ABL2: variants seen among roughly 807,000 people sequenced by gnomAD.
ABL2 encodes tyrosine-protein kinase ABL2.
In ABL2, 49 loss-of-function variants were observed where a neutral mutation model predicts 107.7. The observed-to-expected ratio is 0.45, with a 90% CI of 0.36 to 0.58. ABL2 has a LOEUF of 0.58. Ranked by LOEUF, ABL2 falls within the 20% of genes least tolerant of loss-of-function variation. ABL2 has a pLI of 0.00. For synonymous variants in ABL2, 549 were observed against 548.6 expected (o/e 1.00, Z -0.01); for missense variants, 1,245 against 1,457.0 (o/e 0.85, Z 2.37).
At chr1:179,128,715 CCCTCTGTCGCCACGCGGCAGTGCAG>C (rs1194722324) in intron 3 of ABL2, among the ~76,000 whole-genome samples, 1 of 152,196 alleles carries the variant, frequency 6.6e-6, no homozygotes, top group Non-Finnish European at 1.5e-5. Context: ...AAACAGGTCT[CCCTCTGTCGCCACGCGGCAGTGCAG>C]CGGTGCAAAC....
chr1:179,156,936 T>G (rs938950243), intron 1 of ABL2, among the ~76,000 whole-genome samples: 1 of 150,990 alleles, frequency 6.6e-6, no homozygotes, highest in Admixed American at 6.6e-5. Flanking sequence ...TAAATAAAAC[T>G]CTATTAAATT....
chr1:179,110,636 A>T, intron 10 of ABL2, 181 bp from the exon 11 acceptor site: 1 of 1,529,398 alleles, frequency 6.5e-7, no homozygotes, highest in Non-Finnish European at 8.8e-7. Flanking sequence ...ATGTGTGTAG[A>T]TTCGTCCACG....
chr1:179,166,974 T>A (rs954842358), intron 1 of ABL2, among the ~76,000 whole-genome samples: 7 of 152,056 alleles, frequency 4.6e-5, no homozygotes. Flanking sequence ...TTAGTACAGC[T>A]ACTATGAAAA....
chr1:179,229,245 C>G lies in ABL2; in HGVS notation c.153G>C (p.Gln51His). Residue 51 changes from glutamine to histidine, a missense_variant, in exon 1 of 12, where the codon CAG becomes CAC. Gln to His is a conservative substitution (Grantham distance 24). Transcript: ENST00000502732. ...TTETGFNIFT[Q>H]HDHFASCVED... Reference sequence around the variant, plus strand: ...CCGGCTCCCAGACACACTCACCATGCTGGGTGAAGATATTGAAGCCGGTCT... The same window carrying G: ...CCGGCTCCCAGACACACTCACCATGGTGGGTGAAGATATTGAAGCCGGTCT... 6.6e-7 allele frequency: 1 copy of G among 1,522,966 alleles called. No individual in the cohort carries two copies. The highest frequency in any genetic ancestry group is 1.4e-5 in the African/African-American group (1 of 70,062). The allele number at this position is 1,522,966 out of a possible 1,614,324, so 94.3% of individuals were successfully genotyped here.
intron 10 of ABL2, among the ~76,000 whole-genome samples, chr1:179,111,417 C>T (rs528175745): frequency 6.6e-6 from 1 of 151,376 alleles, no homozygotes; most frequent in South Asian, 2.1e-4. Flanking sequence ...TCCCAAGTAG[C>T]TGGGATTACA....
intron 1 of ABL2, among the ~76,000 whole-genome samples, chr1:179,159,488 T>G (rs922525474): frequency 6.6e-6 from 1 of 152,210 alleles, no homozygotes; most frequent in Non-Finnish European, 1.5e-5. Flanking sequence ...ATTTGTTGAT[T>G]TTCTGACCAT....
intron 1 of ABL2, among the ~76,000 whole-genome samples, chr1:179,214,681 CA>C (rs371706467): frequency 6.6e-6 from 1 of 151,306 alleles, no homozygotes; most frequent in African/African-American, 2.4e-5. Context: ...ATTCAAATTA[CA>C]AACATAAAGA....
At chr1:179,229,113 G>A in intron 1 of ABL2, 128 bp downstream of exon 1, 2 of 1,213,352 alleles carry the variant, frequency 1.6e-6, no homozygotes, top group Non-Finnish European at 2.3e-6. Context: ...GATGGCAGCG[G>A]ATTCCGCCCC....
chr1:179,110,723 T>C lies in ABL2; in HGVS notation c.1652-268A>G, dbSNP rs368945941. On this transcript the variant is annotated intron_variant, in intron 10 of 11. Transcript: ENST00000502732. ...ATATACCACAATCCACCTGTTCTCCTCTTGATGGATGTTTAGGTTGTTTCC... is the reference window on the plus strand; with the variant it reads ...ATATACCACAATCCACCTGTTCTCCCCTTGATGGATGTTTAGGTTGTTTCC... 36 of 1,610,500 alleles carry C rather than the reference T, an allele frequency of 2.2e-5. No homozygotes were observed. In the African/African-American group the frequency reaches 3.6e-4, roughly 16 times the overall value.
At chr1:179,161,582 G>A (rs938496530) in intron 1 of ABL2, among the ~76,000 whole-genome samples, 4 of 152,082 alleles carry the variant, frequency 2.6e-5, no homozygotes, top group Admixed American at 6.5e-5. Flanking sequence ...GTGGTGGCGC[G>A]TGCCTGTAGT....
chr1:179,154,741 A>C (rs1432640278), intron 1 of ABL2, among the ~76,000 whole-genome samples: 2 of 152,134 alleles, frequency 1.3e-5, no homozygotes, highest in Non-Finnish European at 2.9e-5. Context: ...TCTTAATATC[A>C]TCTCCCTAAT....
chr1:179,170,378 A>T (rs151063358), intron 1 of ABL2, among the ~76,000 whole-genome samples: 1 of 152,292 alleles, frequency 6.6e-6, no homozygotes, highest in Non-Finnish European at 1.5e-5. Context: ...ACCTGGTAAC[A>T]AAGGAAGATT....
At chr1:179,189,128 T>C (rs1660854706) in intron 1 of ABL2, among the ~76,000 whole-genome samples, 1 of 152,094 alleles carries the variant, frequency 6.6e-6, no homozygotes, top group African/African-American at 2.4e-5. Context: ...CGGGTGTTTT[T>C]TGTTGTTGTT....
intron 1 of ABL2, among the ~76,000 whole-genome samples, chr1:179,133,944 A>T (rs1324820078): frequency 3.3e-5 from 5 of 152,180 alleles, no homozygotes; most frequent in African/African-American, 4.8e-5. Flanking sequence ...AGTGCCAGTA[A>T]CTGAAACTGT....
At chr1:179,190,547 T>C (rs1002214722) in intron 1 of ABL2, among the ~76,000 whole-genome samples, 31 of 151,948 alleles carry the variant, frequency 2.0e-4, no homozygotes, top group African/African-American at 6.0e-4. Flanking sequence ...CCATTGTTGA[T>C]GACGTTGATG....
chr1:179,226,640 T>C (rs545115598), intron 1 of ABL2, among the ~76,000 whole-genome samples: 18 of 152,102 alleles, frequency 1.2e-4, no homozygotes, highest in Non-Finnish European at 2.4e-4. Context: ...AACAGTAGTA[T>C]TAGTAATGGC....
intron 1 of ABL2, among the ~76,000 whole-genome samples, chr1:179,135,457 A>G (rs1170648560): frequency 2.2e-5 from 3 of 136,742 alleles, no homozygotes; most frequent in Non-Finnish European, 4.7e-5. Flanking sequence ...CCGCCTGGCA[A>G]CCGCCCCGTC....
chr1:179,139,040 G>A (rs952731125), intron 1 of ABL2, among the ~76,000 whole-genome samples: 7 of 152,302 alleles, frequency 4.6e-5, no homozygotes, highest in South Asian at 2.1e-4. Flanking sequence ...CCAGCCCACC[G>A]GTGCTGCGCT....
chr1:179,126,314 C>G lies in ABL2; in HGVS notation c.687+63G>C. 6.7e-7 allele frequency: 1 copy of G among 1,503,678 alleles called. No homozygotes were observed. 93.1% of individuals were successfully genotyped at this position (1,503,678 alleles called of 1,614,324 possible). The stretch of plus-strand genomic sequence containing the variant: ...AAAATCTATTATTTCACTTCAATCA[C>G]GTTGAATATTATTTCACAGAGTAGC... On this transcript the variant is annotated intron_variant, in intron 4 of 11. Transcript: ENST00000502732. The surrounding 1 kb of genome is among the most constrained non-coding windows in gnomAD (Gnocchi z 4.4).
Sources: allele counts gnomAD v4.1 joint callset (sites outside exome capture counted in the v4.1 genomes callset), GRCh38; gene constraint gnomAD v4.1.1; non-coding constraint Gnocchi (gnomAD v3.1); transcripts MANE v1.5; gene names NCBI Gene and HGNC (gene_info 2026-07-23, HGNC 2026-07-21).